Variants in TUBGCP6 observed in about 807,000 individuals in gnomAD.
The protein encoded by TUBGCP6 is gamma-tubulin complex component 6.
A neutral mutation model predicts 175.8 loss-of-function variants in TUBGCP6; 161 were observed. That is an observed-to-expected ratio of 0.92 (90% confidence interval 0.81 to 1.04). The LOEUF (loss-of-function observed/expected upper bound fraction) is 1.04, where lower values mean the gene tolerates loss of function less well. TUBGCP6 is among the 50% of genes least tolerant of loss of function. TUBGCP6 has a pLI of 0.00. For missense variants in TUBGCP6, 2,572 were observed against 2,433.0 expected (o/e 1.06, Z -1.20); for synonymous variants, 1,173 against 1,030.5 (o/e 1.14, Z -2.65).
chr22:50,229,170 C>A (rs896479416), intron 4 of TUBGCP6, among the ~76,000 whole-genome samples: 2 of 152,192 alleles, frequency 1.3e-5, no homozygotes, highest in Admixed American at 6.5e-5. Flanking sequence ...GCCTCCTACA[C>A]ACCCCAGGGC....
chr22:50,226,419 G>C, intron 7 of TUBGCP6, 41 bp from the exon 8 acceptor site: 8 of 1,555,548 alleles, frequency 5.1e-6, no homozygotes, highest in Non-Finnish European at 7.0e-6. Flanking sequence ...GGTCAACGGA[G>C]AGGTGGGTGG....
intron 4 of TUBGCP6, among the ~76,000 whole-genome samples, chr22:50,229,119 C>T (rs974336921): frequency 7.9e-5 from 12 of 152,176 alleles, no homozygotes; most frequent in East Asian, 1.9e-4. Flanking sequence ...GCCCCACTCA[C>T]GCCTTTCCTG....
intron 14 of TUBGCP6, 79 bp from the exon 15 acceptor site, chr22:50,222,181 C>A (rs2064537729): frequency 2.1e-6 from 3 of 1,451,848 alleles, no homozygotes; most frequent in Middle Eastern, 1.9e-4. Flanking sequence ...ACAGCCCCTA[C>A]CGCCCATGGC....
chr22:50,244,670 C>G lies in TUBGCP6; in HGVS notation c.-211G>C. On this transcript the variant is annotated 5_prime_UTR_variant, in exon 1 of 25. Coordinates refer to ENST00000248846, the MANE Select transcript of TUBGCP6 (RefSeq NM_020461.4). Reference sequence around the variant, plus strand: ...CACGCCCTGCCCTCCCCAGTCCAAGCACGCTGCCCGGCGCCCGGCAGCCCA... The same window carrying G: ...CACGCCCTGCCCTCCCCAGTCCAAGGACGCTGCCCGGCGCCCGGCAGCCCA... 1.3e-6 allele frequency: 1 copy of G among 774,436 alleles called. No homozygotes were observed. Among genetic ancestry groups the G allele is most frequent in the African/African-American group, 1.8e-5 (1 of 57,046 alleles). 48.0% of individuals were successfully genotyped at this position (774,436 alleles called of 1,614,324 possible).
chr22:50,226,628 T>A, intron 7 of TUBGCP6, 105 bp downstream of exon 7: 1 of 1,074,514 alleles, frequency 9.3e-7, no homozygotes, highest in Non-Finnish European at 1.4e-6. Flanking sequence ...GCCCTCCCCT[T>A]CCTGTGTGAC....
chr22:50,226,062 G>C lies in TUBGCP6; in HGVS notation c.1821C>G (p.Leu607=), dbSNP rs754912595. 13 of 1,614,066 alleles carry C rather than the reference G, an allele frequency of 8.1e-6. No homozygotes were observed. The highest frequency in any genetic ancestry group is 1.7e-6 in the Non-Finnish European group (2 of 1,180,048). ...AGCCCCTCCTCACCCGGGGGCAGCA[G>C]AGCTTCAGCAGGTTAATGGTCTTTC... ...VCGKTINLLK[L]CCPRHYLCWS... is the part of the protein sequence containing the mutation. Residue 607 remains leucine (L), a synonymous_variant, in exon 9 of 25, where the codon CTC becomes CTG. Coordinates refer to ENST00000248846, the MANE Select transcript of TUBGCP6 (RefSeq NM_020461.4).
In TUBGCP6 at chr22:50,217,694, T is replaced by C. The variant is rs1202209847; in HGVS notation, c.*42A>G. 6.3e-7 allele frequency: 1 copy of C among 1,577,878 alleles called. No individual in the cohort carries two copies. Among genetic ancestry groups the C allele is most frequent in the Non-Finnish European group, 8.7e-7 (1 of 1,153,856 alleles). ...CCAGGAGAGAGAGCTGCAGACAGGG[T>C]CCGAGAACACCTTTATTGTGCACGT... On this transcript the variant is annotated 3_prime_UTR_variant, in exon 25 of 25. Transcript: ENST00000248846.
chr22:50,221,255 G>A lies in TUBGCP6; in HGVS notation c.3104C>T (p.Pro1035Leu). The A allele has an allele frequency of 6.2e-7, 1 of 1,614,104 alleles. No homozygotes were observed. Among genetic ancestry groups the A allele is most frequent in the Non-Finnish European group, 8.5e-7 (1 of 1,180,036 alleles). Residue 1035 changes from proline to leucine, a missense_variant, in exon 16 of 25, where the codon CCC becomes CTC. By Grantham distance (98) the Pro-to-Leu change is moderately conservative. Transcript: ENST00000248846. The stretch of plus-strand genomic sequence containing the variant: ...TATTTCAGAAGCGTAGTCCCCTGTG[G>A]GAAGACCACCCCCTGACACCTGCCC... ...LFGQVSGGGL[P>L]TGDYASEIAP...
rs189601358 is a variant in TUBGCP6, at chr22:50,224,631, G to C, written c.1984-39C>G. On this transcript the variant is annotated intron_variant, in intron 10 of 24. Coordinates refer to ENST00000248846, the MANE Select transcript of TUBGCP6 (RefSeq NM_020461.4). ...CTGGTAATCAAAGCATCCTGGCCGGGCGCAGTGGCTCACGCCTGTAATCCT... is the reference window on the plus strand; with the variant it reads ...CTGGTAATCAAAGCATCCTGGCCGGCCGCAGTGGCTCACGCCTGTAATCCT... 4.6e-4 allele frequency: 743 copies of C among 1,604,760 alleles called. 9 individuals carry two copies. The East Asian group carries it at 0.015, about 32-fold the overall frequency.
At chr22:50,235,178 CT>C (rs1201361155) in intron 2 of TUBGCP6, among the ~76,000 whole-genome samples, 2 of 44,804 alleles carry the variant, frequency 4.5e-5, no homozygotes, top group African/African-American at 2.5e-4. Context: ...ATCTACACCC[CT>C]ATTCACGGCA....
intron 1 of TUBGCP6, among the ~76,000 whole-genome samples, chr22:50,242,331 C>T (rs1432302186): frequency 6.6e-6 from 1 of 151,224 alleles, no homozygotes; most frequent in Non-Finnish European, 1.5e-5. Flanking sequence ...AAAATACAAA[C>T]ATATAAAATA....
intron 12 of TUBGCP6, 32 bp downstream of exon 12, chr22:50,224,300 G>A (rs1232356741): frequency 1.2e-6 from 2 of 1,614,214 alleles, no homozygotes; most frequent in South Asian, 1.1e-5. Flanking sequence ...AGAACTGACA[G>A]GCGTGACCCC....
chr22:50,231,072 A>G (rs2064682140), intron 3 of TUBGCP6, among the ~76,000 whole-genome samples: 1 of 132,612 alleles, frequency 7.5e-6, no homozygotes, highest in African/African-American at 2.9e-5. Context: ...ACAGAGCGAG[A>G]CTCTATCTCA....
chr22:50,218,297 T>C lies in TUBGCP6; in HGVS notation c.5060A>G (p.Gln1687Arg). Residue 1687 changes from glutamine (Q) to arginine (R), a missense_variant, in exon 23 of 25, where the codon CAG (glutamine) becomes CGG (arginine). Transcript: ENST00000248846. Reference protein sequence around the residue: ...VKVIQGYIANQILHVTWCEFR... With the variant: ...VKVIQGYIANRILHVTWCEFR... ...CTCGCACCAGGTGACGTGCAGGATC[T>C]GGTTGGCGATGTAGCCCTGGATGAC... 6.2e-7 allele frequency: 1 copy of C among 1,613,132 alleles called. No homozygotes were observed. The highest frequency in any genetic ancestry group is 8.5e-7 in the Non-Finnish European group (1 of 1,179,998).
At chr22:50,236,070 AAAC>A (rs1176454309) in intron 2 of TUBGCP6, among the ~76,000 whole-genome samples, 1 of 152,204 alleles carries the variant, frequency 6.6e-6, no homozygotes, top group Non-Finnish European at 1.5e-5. Context: ...AAGACGGTAA[AAAC>A]ATTATATAAA....
Position 50,238,758 on chromosome 22 carries a change from C to T in TUBGCP6, c.905+1446G>A, listed in dbSNP as rs547840811. On this transcript the variant is annotated intron_variant, in intron 2 of 24. Coordinates refer to ENST00000248846, the MANE Select transcript of TUBGCP6 (RefSeq NM_020461.4). Reference sequence around the variant, plus strand: ...TTCACTGTGTTAGCCAGGATGGTCTCGATCTCCTGACCTCGTGATCCACCC... The same window carrying T: ...TTCACTGTGTTAGCCAGGATGGTCTTGATCTCCTGACCTCGTGATCCACCC... Among the ~76,000 whole-genome samples, 9 of 152,076 alleles carry T rather than the reference C, an allele frequency of 5.9e-5. No homozygotes were observed. The East Asian group carries it at 1.8e-3, about 30-fold the overall frequency.
Position 50,226,353 on chromosome 22 carries a change from C to T in TUBGCP6, c.1627G>A (p.Gly543Arg), listed in dbSNP as rs987803005. 1.9e-6 allele frequency: 3 copies of T among 1,611,982 alleles called. No homozygotes were observed. The highest frequency in any genetic ancestry group is 1.7e-4 in the Middle Eastern group (1 of 6,058). Reference sequence around the variant, plus strand: ...TCGCCATAAGCGTCTCTGAACACCCCGCTGTACACCCAGTCGTGGATGAAC... The same window carrying T: ...TCGCCATAAGCGTCTCTGAACACCCTGCTGTACACCCAGTCGTGGATGAAC... ...TRFIHDWVYS[G>R]VFRDAYGEFM... The change falls in exon 8 of 25, where the codon GGG becomes AGG. Residue 543 changes from glycine to arginine, a missense_variant. Transcript: ENST00000248846.
chr22:50,219,110 G>T lies in TUBGCP6; in HGVS notation c.4584C>A (p.Asp1528Glu), dbSNP rs757971501. The change falls in exon 20 of 25, where the codon GAC (aspartate) becomes GAA (glutamate). Residue 1528 changes from aspartate (D) to glutamate (E), a missense_variant. Transcript: ENST00000248846. ...EALRHFLLME[D>E]GEFAQSLSDL... ...CGCTGAGGGACTGGGCGAACTCGCC[G>T]TCCTCCATCAGCAGGAAGTGCCGCA... The T allele has an allele frequency of 1.2e-6, 2 of 1,613,004 alleles. No individual in the cohort carries two copies. Among genetic ancestry groups the T allele is most frequent in the Non-Finnish European group, 1.7e-6 (2 of 1,179,956 alleles).
At chr22:50,222,152 C>T (rs200617335) in intron 14 of TUBGCP6, 50 bp from the exon 15 acceptor site, 2 of 1,576,346 alleles carry the variant, frequency 1.3e-6, no homozygotes, top group Admixed American at 1.7e-5. Flanking sequence ...TCAAGCACAG[C>T]CCTACCCCAC....
Sources: gnomAD v4.1 joint callset for allele counts (sites outside exome capture counted in the v4.1 genomes callset) on GRCh38, gnomAD v4.1.1 for gene constraint, MANE v1.5 for transcripts, NCBI Gene and HGNC (gene_info 2026-07-23, HGNC 2026-07-21) for gene names.